Variants in FRMPD4 observed in about 807,000 individuals in gnomAD.
FRMPD4 encodes FERM and PDZ domain containing 4.
FRMPD4 carries 22 observed loss-of-function variants against 94.1 expected under a neutral mutation model. The ratio of observed to expected loss-of-function variants is 0.23; its 90% CI spans 0.17 to 0.33. The LOEUF is 0.33. Ranked by LOEUF, FRMPD4 falls within the 10% of genes least tolerant of loss-of-function variation. The pLI, the probability that FRMPD4 is intolerant of heterozygous loss-of-function variation, is 1.00. For synonymous variants in FRMPD4, 631 were observed against 548.6 expected, an observed-to-expected ratio of 1.15 and a Z score of -2.10; for missense variants, 1,111 against 1,339.9, an observed-to-expected ratio of 0.83 and a Z score of 2.67.
chrX:12,537,314 A>T (rs1474032080), intron 2 of FRMPD4, among the ~76,000 whole-genome samples: 3 of 111,916 alleles, frequency 2.7e-5, no homozygotes, highest in Non-Finnish European at 5.6e-5. Flanking sequence ...AGAAGAGTCC[A>T]GACTATTTTA....
At chrX:11,948,132 T>C (rs2147362610) in intron 3 of FRMPD4, among the ~76,000 whole-genome samples, 1 of 107,746 alleles carries the variant, frequency 9.3e-6, no homozygotes, top group East Asian at 2.9e-4. Context: ...TGTGAAACTC[T>C]ATATAAGAGA....
chrX:12,274,259 A>G (rs774551438), intron 1 of FRMPD4, among the ~76,000 whole-genome samples: 1 of 111,754 alleles, frequency 8.9e-6, no homozygotes, highest in East Asian at 2.8e-4. Context: ...GCATTACAAG[A>G]AACCCTCTTA....
chrX:12,299,435 C>T (rs1203122319), intron 1 of FRMPD4, among the ~76,000 whole-genome samples: 2 of 110,526 alleles, frequency 1.8e-5, no homozygotes, highest in Admixed American at 9.6e-5. Flanking sequence ...ATGGGCCTTT[C>T]GAATACCCTA....
At chrX:11,904,952 T>C (rs752972557) in intron 3 of FRMPD4, among the ~76,000 whole-genome samples, 1 of 112,566 alleles carries the variant, frequency 8.9e-6, no homozygotes, top group South Asian at 3.7e-4. Flanking sequence ...CACAAGGGCA[T>C]TTCCCCTTCT....
intron 1 of FRMPD4, among the ~76,000 whole-genome samples, chrX:12,395,082 A>G (rs930656588): frequency 9.8e-5 from 11 of 112,451 alleles, no homozygotes; most frequent in African/African-American, 3.6e-4. Context: ...TTTAACTATC[A>G]GACATCTGTT....
intron 3 of FRMPD4, among the ~76,000 whole-genome samples, chrX:12,039,223 A>AT (rs200355334): frequency 6.4e-4 from 67 of 104,760 alleles, no homozygotes; most frequent in Admixed American, 1.3e-3. Flanking sequence ...ATTTATTTTT[A>AT]TTTTTTTTTT....
chrX:12,561,756 G>A (rs1569338074), intron 2 of FRMPD4, among the ~76,000 whole-genome samples: 1 of 112,241 alleles, frequency 8.9e-6, no homozygotes, highest in Non-Finnish European at 1.9e-5. Flanking sequence ...TTATGGCATA[G>A]TTTTATTAGT....
rs139776453 is a variant in FRMPD4 at position 12,522,060 on chromosome X, T to C, written c.158+23264T>C. Among the ~76,000 whole-genome samples, 276 of 109,144 alleles carry C rather than the reference T, an allele frequency of 2.5e-3. 2 individuals are homozygous for C. Among genetic ancestry groups the C allele is most frequent in the African/African-American group, 8.7e-3 (260 of 29,741 alleles). The allele number at this position is 109,144 out of a possible 115,157, so 94.8% of individuals were successfully genotyped here. On this transcript the variant is annotated intron_variant, in intron 2 of 16. Coordinates refer to ENST00000675598, the MANE Select transcript of FRMPD4 (RefSeq NM_001368397.1). ...GGCAGCCTTTGGATTTTAGTTCAAA[T>C]ACCTTTAGCACATATAATGACTTTG...
intron 3 of FRMPD4, among the ~76,000 whole-genome samples, chrX:12,025,344 A>G (rs1197924583): frequency 9.4e-6 from 1 of 106,054 alleles, no homozygotes; most frequent in Non-Finnish European, 1.9e-5. Flanking sequence ...TGCCTACTTG[A>G]CTCCTCCTCT....
At chrX:12,288,815 C>T (rs1403757374) in intron 1 of FRMPD4, among the ~76,000 whole-genome samples, 1 of 111,482 alleles carries the variant, frequency 9.0e-6, no homozygotes, top group African/African-American at 3.3e-5. Context: ...ATTTGTCCCT[C>T]CTTTTAAAAA....
At chrX:12,341,656 A>T in intron 1 of FRMPD4, 1 of 328,840 alleles carries the variant, frequency 3.0e-6, no homozygotes, top group Non-Finnish European at 5.9e-6. Flanking sequence ...CAGATCCAAG[A>T]TTTGAACTCT....
intron 2 of FRMPD4, among the ~76,000 whole-genome samples, chrX:12,587,240 G>T (rs1458757769): frequency 9.0e-6 from 1 of 111,678 alleles, no homozygotes; most frequent in African/African-American, 3.3e-5. Context: ...CTCCCAAAGT[G>T]CTGGGATTAC....
At chrX:12,352,614 G>T (rs966795830) in intron 1 of FRMPD4, among the ~76,000 whole-genome samples, 1 of 112,033 alleles carries the variant, frequency 8.9e-6, no homozygotes, top group Non-Finnish European at 1.9e-5. Context: ...GTACACAGGG[G>T]TCTACTATTG....
intron 3 of FRMPD4, among the ~76,000 whole-genome samples, chrX:11,918,646 T>C (rs1601838403): frequency 8.9e-6 from 1 of 112,294 alleles, no homozygotes; most frequent in East Asian, 2.8e-4. Context: ...AGAATGAATG[T>C]GTATTTGGGT....
At chrX:12,096,722 A>G (rs958149825) in intron 3 of FRMPD4, among the ~76,000 whole-genome samples, 1 of 111,252 alleles carries the variant, frequency 9.0e-6, no homozygotes, top group Admixed American at 9.5e-5. Flanking sequence ...CGATTTCTCA[A>G]AAAATTTTTT....
At position 12,138,797 on chromosome X, in the gene FRMPD4, G is replaced by T; in HGVS notation, c.-175G>T. 1 of 366,754 alleles carries T rather than the reference G, an allele frequency of 2.7e-6. No individual in the cohort carries two copies. The highest frequency in any genetic ancestry group is 7.2e-5 in the South Asian group (1 of 13,948). The allele number at this position is 366,754 out of a possible 1,213,427, so 30.2% of individuals were successfully genotyped here. On this transcript the variant is annotated 5_prime_UTR_variant, in exon 1 of 17. Coordinates refer to ENST00000675598, the MANE Select transcript of FRMPD4 (RefSeq NM_001368397.1). ...ACACGCAGCTCGCGGCCGGAGGGGG[G>T]TAGCAGCCGCCGCCTCCAGGTGCAG...
At chrX:12,150,656 C>T (rs1427084458) in intron 1 of FRMPD4, among the ~76,000 whole-genome samples, 2 of 111,543 alleles carry the variant, frequency 1.8e-5, no homozygotes, top group African/African-American at 3.3e-5. Context: ...AAACTTTTTA[C>T]GATAAAAGCA....
At chrX:12,361,872 T>C (rs981290858) in intron 1 of FRMPD4, among the ~76,000 whole-genome samples, 2 of 111,438 alleles carry the variant, frequency 1.8e-5, no homozygotes, top group African/African-American at 3.3e-5. Context: ...TCTTGGCTTA[T>C]GGCAGCATCA....
chrX:11,850,971 C>A (rs149814146), intron 1 of FRMPD4, among the ~76,000 whole-genome samples: 234 of 111,942 alleles, frequency 2.1e-3, no homozygotes, highest in African/African-American at 7.3e-3. Context: ...GTATATTTTA[C>A]CACAATTTTT....
Sources: allele counts gnomAD v4.1 joint callset (sites outside exome capture counted in the v4.1 genomes callset), GRCh38; gene constraint gnomAD v4.1.1; transcripts MANE v1.5; gene names NCBI Gene and HGNC (gene_info 2026-07-23, HGNC 2026-07-21).